CEP192: variants seen among roughly 807,000 people sequenced by gnomAD.
CEP192 encodes centrosomal protein of 192 kDa.
In CEP192, 151 loss-of-function variants were observed where a neutral mutation model predicts 271.8. The ratio of observed to expected loss-of-function variants is 0.56; its 90% confidence interval spans 0.49 to 0.64. The LOEUF is 0.64. CEP192 is among the 30% of genes least tolerant of loss of function. The probability of loss-of-function intolerance (pLI) is 0.00; values close to 1 mark genes in which losing one functional copy is unlikely to be tolerated. For missense variants in CEP192, 2,910 were observed against 3,020.5 expected, an observed-to-expected ratio of 0.96 and a Z score of 0.86; for synonymous variants, 995 against 1,076.5, an observed-to-expected ratio of 0.92 and a Z score of 1.48.
intron 34 of CEP192, among the ~76,000 whole-genome samples, chr18:13,092,886 G>T (rs1332754683): frequency 1.3e-5 from 2 of 152,138 alleles, no homozygotes; most frequent in East Asian, 1.9e-4. Context: ...CAGGTATGGT[G>T]GCTCTTGCAT....
intron 44 of CEP192, among the ~76,000 whole-genome samples, chr18:13,119,910 A>C (rs748681621): frequency 1.3e-5 from 2 of 152,224 alleles, no homozygotes; most frequent in Non-Finnish European, 2.9e-5. Context: ...TAAACGTGTC[A>C]AATTATGGCT....
At chr18:13,080,213 TAA>T (rs1190174794) in intron 30 of CEP192, among the ~76,000 whole-genome samples, 1 of 152,230 alleles carries the variant, frequency 6.6e-6, no homozygotes, top group Non-Finnish European at 1.5e-5. Flanking sequence ...ATTGAATCTC[TAA>T]ATTACCTTGG....
At chr18:13,053,677 T>C (rs2036926850) in intron 18 of CEP192, among the ~76,000 whole-genome samples, 1 of 152,114 alleles carries the variant, frequency 6.6e-6, no homozygotes, top group African/African-American at 2.4e-5. Flanking sequence ...TGTCATGATC[T>C]GTTTTGATTT....
intron 13 of CEP192, among the ~76,000 whole-genome samples, chr18:13,040,365 G>A (rs2036138699): frequency 6.6e-6 from 1 of 152,218 alleles, no homozygotes; most frequent in Non-Finnish European, 1.5e-5. Context: ...AGAAAGACAA[G>A]TGGAAACTGC....
chr18:13,007,703 A>T (rs1232927460), intron 3 of CEP192, among the ~76,000 whole-genome samples: 2 of 152,072 alleles, frequency 1.3e-5, no homozygotes, highest in Non-Finnish European at 2.9e-5. Context: ...CAGTAAAGAG[A>T]TGGAGAAACT....
chr18:13,090,346 G>T (rs1302265005), intron 33 of CEP192, among the ~76,000 whole-genome samples: 1 of 152,138 alleles, frequency 6.6e-6, no homozygotes, highest in Non-Finnish European at 1.5e-5. Context: ...CCTTTTTGAA[G>T]TTTGTATAGT....
chr18:13,072,479 G>T (rs1005782404), intron 28 of CEP192, among the ~76,000 whole-genome samples: 34 of 152,252 alleles, frequency 2.2e-4, no homozygotes, highest in African/African-American at 8.2e-4. Flanking sequence ...TTATATGACA[G>T]ATAATACCTA....
At chr18:13,059,342 A>G (rs2037285883) in intron 21 of CEP192, 30 bp downstream of exon 21, 1 of 1,561,874 alleles carries the variant, frequency 6.4e-7, no homozygotes, top group Non-Finnish European at 8.8e-7. Context: ...TCTTTGTCAT[A>G]CCTGGCATTT....
In CEP192 at chr18:13,113,591, C is replaced by T. The variant is rs534630509; in HGVS notation, c.7053C>T (p.Ser2351=). The stretch of plus-strand genomic sequence containing the variant: ...CTTCTGTATGTATTTCGTAGGTCTC[C>T]ATCACATTTTTGCCCAGAGGTAGGG... The part of the protein sequence containing the change: ...LLESHGIQKV[S]ITFLPRGRGD... Residue 2351 remains serine, a synonymous_variant, in exon 41 of 45, where the codon TCC becomes TCT. Coordinates refer to ENST00000506447, the MANE Select transcript of CEP192 (RefSeq NM_032142.4). The T allele has an allele frequency of 6.2e-6, 10 of 1,613,148 alleles. No homozygotes were observed. The South Asian group carries it at 1.1e-4, about 18-fold the overall frequency.
At chr18:13,124,056 A>G (rs2040794624) in intron 44 of CEP192, among the ~76,000 whole-genome samples, 1 of 152,140 alleles carries the variant, frequency 6.6e-6, no homozygotes, top group Non-Finnish European at 1.5e-5. Flanking sequence ...GCTACTCAGG[A>G]GGCTGAGGCA....
chr18:13,067,125 T>C (rs2037750433), intron 21 of CEP192, among the ~76,000 whole-genome samples: 1 of 147,846 alleles, frequency 6.8e-6, no homozygotes. Context: ...TGTACAGACA[T>C]TTTTTTCTTG....
chr18:13,000,725 C>T (rs770199282), intron 2 of CEP192, among the ~76,000 whole-genome samples: 100 of 152,326 alleles, frequency 6.6e-4, no homozygotes, highest in Middle Eastern at 3.4e-3. Context: ...GAGGCCAAGG[C>T]GGGCAGATCA....
intron 36 of CEP192, among the ~76,000 whole-genome samples, chr18:13,098,687 C>G (rs1466438088): frequency 6.6e-6 from 1 of 151,434 alleles, no homozygotes; most frequent in Non-Finnish European, 1.5e-5. Flanking sequence ...ACGCTCCTCA[C>G]TTTCCAGACT....
chr18:13,097,752 A>G (rs2144828305), intron 36 of CEP192, among the ~76,000 whole-genome samples: 1 of 149,838 alleles, frequency 6.7e-6, no homozygotes, highest in African/African-American at 2.5e-5. Context: ...TAAACAAGTG[A>G]ACAAAGGTCT....
At chr18:13,040,604 AATTT>A (rs1487879187) in intron 13 of CEP192, among the ~76,000 whole-genome samples, 1 of 152,184 alleles carries the variant, frequency 6.6e-6, no homozygotes, top group Non-Finnish European at 1.5e-5. Context: ...TAGTAAGGGC[AATTT>A]ATTTGACAAT....
At chr18:13,006,996 G>A (rs963085532) in intron 3 of CEP192, among the ~76,000 whole-genome samples, 1 of 152,036 alleles carries the variant, frequency 6.6e-6, no homozygotes, top group South Asian at 2.1e-4. Context: ...CGGGCTTTCC[G>A]TCCCCACTCT....
chr18:13,116,601 G>A, intron 43 of CEP192, 98 bp downstream of exon 43: 1 of 1,215,138 alleles, frequency 8.2e-7, no homozygotes, highest in Non-Finnish European at 1.1e-6. Flanking sequence ...TATTTAAGTT[G>A]TAAGAATGAG....
At chr18:13,065,549 A>C (rs78371244) in intron 21 of CEP192, among the ~76,000 whole-genome samples, 2,032 of 152,350 alleles carry the variant, frequency 0.013, 35 homozygotes, top group African/African-American at 0.045. Context: ...ACTAGAATCC[A>C]TAAGTTATGC....
intron 36 of CEP192, 82 bp from the exon 37 acceptor site, chr18:13,099,394 G>A (rs1263411308): frequency 1.4e-6 from 1 of 693,916 alleles, no homozygotes; most frequent in East Asian, 2.7e-5. Context: ...GCCATTGGCT[G>A]GTAGACAGTA....
Sources: gnomAD v4.1 joint callset for allele counts (sites outside exome capture counted in the v4.1 genomes callset) on GRCh38, gnomAD v4.1.1 for gene constraint, MANE v1.5 for transcripts, NCBI Gene and HGNC (gene_info 2026-07-23, HGNC 2026-07-21) for gene names.